CLTC: variants seen among roughly 807,000 people sequenced by gnomAD.
CLTC encodes clathrin heavy chain.
CLTC carries 16 observed loss-of-function variants against 195.8 expected under a neutral mutation model. The observed-to-expected ratio is 0.08, with a 90% CI of 0.06 to 0.12. The LOEUF (loss-of-function observed/expected upper bound fraction) is 0.12. CLTC is among the 10% of genes least tolerant of loss of function. CLTC has a pLI of 1.00. For synonymous variants in CLTC, 667 were observed against 689.4 expected (o/e 0.97, Z 0.51); for missense variants, 796 against 2,027.0 (o/e 0.39, Z 11.66).
chr17:59,673,630 GT>G lies in CLTC; in HGVS notation c.2293-14del, dbSNP rs1407572389. On this transcript the variant is annotated splice_polypyrimidine_tract_variant and intron_variant, in intron 14 of 31. Transcript: ENST00000269122. ...TAGAAGAAATTTAAAGTTTCCTTTTGTTTGTCTTTTTTTCAGGAAGCAAAAC... is the reference window on the plus strand; with the variant it reads ...TAGAAGAAATTTAAAGTTTCCTTTTGTTGTCTTTTTTTCAGGAAGCAAAAC... The G allele has an allele frequency of 3.8e-6, 6 of 1,598,600 alleles. No homozygotes were observed. Among genetic ancestry groups the G allele is most frequent in the Non-Finnish European group, 5.1e-6 (6 of 1,169,486 alleles).
chr17:59,687,936 G>A (rs766035400), intron 30 of CLTC, among the ~76,000 whole-genome samples: 17 of 152,142 alleles, frequency 1.1e-4, no homozygotes, highest in Non-Finnish European at 2.4e-4. Flanking sequence ...GGAAGGTAAA[G>A]GAGAGTTGAA....
chr17:59,624,056 C>T (rs144164251), intron 1 of CLTC, among the ~76,000 whole-genome samples: 1 of 152,254 alleles, frequency 6.6e-6, no homozygotes, highest in African/African-American at 2.4e-5. Flanking sequence ...TACTGTCTGT[C>T]TTGGAAAGTG....
chr17:59,641,008 A>G (rs1026494091), intron 1 of CLTC, among the ~76,000 whole-genome samples: 7 of 151,744 alleles, frequency 4.6e-5, no homozygotes, highest in African/African-American at 1.7e-4. Context: ...AGTCCCAGCT[A>G]CTTGGGAGGC....
intron 1 of CLTC, among the ~76,000 whole-genome samples, chr17:59,633,354 G>A (rs144711735): frequency 2.2e-4 from 33 of 152,248 alleles, no homozygotes; most frequent in Middle Eastern, 3.4e-3. Context: ...TTAGCTGGGC[G>A]TGGTGGTGCA....
intron 1 of CLTC, among the ~76,000 whole-genome samples, chr17:59,626,479 A>G (rs991953019): frequency 1.3e-5 from 2 of 152,206 alleles, no homozygotes; most frequent in African/African-American, 4.8e-5. Flanking sequence ...ATCGGATAAA[A>G]TACCCATATG....
At chr17:59,663,815 T>TA (rs2032664579) in intron 8 of CLTC, 27 bp from the exon 9 acceptor site, 3 of 1,602,624 alleles carry the variant, frequency 1.9e-6, no homozygotes, top group Non-Finnish European at 2.6e-6. Flanking sequence ...CATGGATCAC[T>TA]AAACAATCTC....
chr17:59,628,982 T>C (rs185460961), intron 1 of CLTC, among the ~76,000 whole-genome samples: 1 of 152,024 alleles, frequency 6.6e-6, no homozygotes, highest in African/African-American at 2.4e-5. Flanking sequence ...TATTTCTGAT[T>C]AGCTGCTCAT....
intron 1 of CLTC, among the ~76,000 whole-genome samples, chr17:59,632,546 G>C (rs1420524871): frequency 6.6e-6 from 1 of 152,088 alleles, no homozygotes; most frequent in Non-Finnish European, 1.5e-5. Flanking sequence ...GGGAGGCCAA[G>C]GCACAAGAAT....
intron 1 of CLTC, among the ~76,000 whole-genome samples, chr17:59,627,463 A>G (rs1440047801): frequency 6.6e-6 from 1 of 152,196 alleles, no homozygotes; most frequent in African/African-American, 2.4e-5. Flanking sequence ...CAGACTTTTA[A>G]TATTTATTCT....
chr17:59,660,837 A>G (rs1239467461), intron 7 of CLTC, among the ~76,000 whole-genome samples: 2 of 152,230 alleles, frequency 1.3e-5, no homozygotes, highest in Non-Finnish European at 2.9e-5. Context: ...TTTGATTTAC[A>G]TAGATGTAGT....
chr17:59,683,803 C>G lies in CLTC; in HGVS notation c.4323+47C>G, dbSNP rs753866837. ...AAAGCTTCATAGCAAGGAATTAGGA[C>G]ATACTTCGATAACTTTTGTCCCTGG... On this transcript the variant is annotated intron_variant, in intron 27 of 31. Transcript: ENST00000269122. This position sits in a 1 kb window ranked among gnomAD's most constrained non-coding sequence, Gnocchi z 6.1. 1.9e-6 allele frequency: 3 copies of G among 1,613,020 alleles called. No individual in the cohort carries two copies.
Position 59,685,635 on chromosome 17 carries a change from G to C in CLTC, c.4654G>C (p.Glu1552Gln). The change falls in exon 30 of 32, where the codon GAA becomes CAA. Residue 1552 changes from glutamate to glutamine, a missense_variant. Glu to Gln is a conservative substitution (Grantham distance 29, BLOSUM62 2). Around this residue, in one of 9 missense-constraint regions of CLTC, gnomAD observed 148 missense variants for 279.5 expected, o/e 0.53. Transcript: ENST00000269122. This position sits in a 1 kb window ranked among gnomAD's most constrained non-coding sequence, Gnocchi z 5.0. ...SESKDTELAE[E>Q]LLQWFLQEEK... ...ATCTAAAGATACTGAATTGGCTGAA[G>C]AACTCCTGCAGTGGTTTTTGCAGGA... The C allele has an allele frequency of 6.2e-7, 1 of 1,614,098 alleles. No homozygotes were observed. The highest frequency in any genetic ancestry group is 8.5e-7 in the Non-Finnish European group (1 of 1,179,984).
chr17:59,685,063 G>T lies in CLTC; in HGVS notation c.4442G>T (p.Arg1481Leu), dbSNP rs1194005185. 6.4e-7 allele frequency: 1 copy of T among 1,567,274 alleles called. No individual in the cohort carries two copies. Among genetic ancestry groups the T allele is most frequent in the South Asian group, 1.2e-5 (1 of 85,562 alleles). Residue 1481 changes from arginine to leucine, a missense_variant, in exon 29 of 32, where the codon CGA becomes CTA. Physicochemically the swap from Arg to Leu is moderately radical, Grantham distance 102. This residue lies in a region of CLTC where 148 missense variants were observed against 279.5 expected (regional missense o/e 0.53). Coordinates refer to ENST00000269122, the MANE Select transcript of CLTC (RefSeq NM_004859.4). This position sits in a 1 kb window ranked among gnomAD's most constrained non-coding sequence, Gnocchi z 5.0. ...TGGCTTTTTTTTTTTAAGGCTCTGCGAACATCAATAGATGCTTATGACAAC... is the reference window on the plus strand; with the variant it reads ...TGGCTTTTTTTTTTTAAGGCTCTGCTAACATCAATAGATGCTTATGACAAC... Reference protein sequence around the residue: ...FITEEDYQALRTSIDAYDNFD... With the variant: ...FITEEDYQALLTSIDAYDNFD...
At chr17:59,693,196 G>A (rs1293441312) in intron 31 of CLTC, among the ~76,000 whole-genome samples, 1 of 151,876 alleles carries the variant, frequency 6.6e-6, no homozygotes, top group Non-Finnish European at 1.5e-5. Flanking sequence ...GCAAAACCCT[G>A]TCTCTACTAA....
At chr17:59,684,024 A>C in intron 28 of CLTC, 39 bp downstream of exon 28, 1 of 992,064 alleles carries the variant, frequency 1.0e-6, no homozygotes, top group Non-Finnish European at 1.4e-6. Flanking sequence ...CTCAAGACTC[A>C]TAAAGTTATG....
chr17:59,646,597 T>C (rs952561956), intron 2 of CLTC, among the ~76,000 whole-genome samples: 7 of 152,212 alleles, frequency 4.6e-5, no homozygotes, highest in African/African-American at 1.7e-4. Context: ...TTGGCCTCTA[T>C]TAATTTATAC....
At chr17:59,638,357 T>C (rs1567934838) in intron 1 of CLTC, among the ~76,000 whole-genome samples, 1 of 151,942 alleles carries the variant, frequency 6.6e-6, no homozygotes, top group Non-Finnish European at 1.5e-5. Flanking sequence ...CAGAAGGCAA[T>C]ATCTGTTGAG....
chr17:59,692,120 C>T (rs964153333), intron 31 of CLTC, among the ~76,000 whole-genome samples: 2 of 152,118 alleles, frequency 1.3e-5, no homozygotes, highest in Admixed American at 6.5e-5. Flanking sequence ...AGATCAAGAC[C>T]ATCCTGGCCA....
chr17:59,636,339 C>T (rs1028688605), intron 1 of CLTC, among the ~76,000 whole-genome samples: 1 of 152,114 alleles, frequency 6.6e-6, no homozygotes, highest in African/African-American at 2.4e-5. Flanking sequence ...TCCATATTTA[C>T]AATCAAATGG....
Sources: gnomAD v4.1 joint callset for allele counts (sites outside exome capture counted in the v4.1 genomes callset) on GRCh38, gnomAD v4.1.1 for gene constraint, gnomAD v4.1.1 regional missense constraint, Gnocchi (gnomAD v3.1) non-coding constraint, MANE v1.5 for transcripts, NCBI Gene and HGNC (gene_info 2026-07-23, HGNC 2026-07-21) for gene names.